Variants in DIAPH2 observed in about 807,000 individuals in gnomAD.
The protein encoded by DIAPH2 is diaphanous related formin 2, also known as protein diaphanous homolog 2.
Under a neutral mutation model 92.7 loss-of-function variants are expected in DIAPH2, and 35 were observed. The ratio of observed to expected loss-of-function variants is 0.38; its 90% CI spans 0.29 to 0.50. The LOEUF (loss-of-function observed/expected upper bound fraction) is 0.50, where lower values mean the gene tolerates loss of function less well. Ranked by LOEUF, DIAPH2 falls within the 20% of genes least tolerant of loss-of-function variation. The pLI is 0.94. For synonymous variants in DIAPH2, 301 were observed against 280.4 expected, an observed-to-expected ratio of 1.07 and a Z score of -0.73; for missense variants, 701 against 819.5, an observed-to-expected ratio of 0.86 and a Z score of 1.77.
chrX:97,016,478 A>C (rs926228898), intron 17 of DIAPH2, among the ~76,000 whole-genome samples: 2 of 112,220 alleles, frequency 1.8e-5, no homozygotes, highest in African/African-American at 6.5e-5. Context: ...GAGAGATACT[A>C]TATATTTTAG....
At chrX:97,553,517 T>C (rs2071235052) in intron 26 of DIAPH2, among the ~76,000 whole-genome samples, 1 of 111,059 alleles carries the variant, frequency 9.0e-6, no homozygotes. Context: ...CAGCAGTTGT[T>C]TAAACCTGAA....
At chrX:97,077,722 C>T (rs2066714884) in intron 19 of DIAPH2, among the ~76,000 whole-genome samples, 1 of 112,057 alleles carries the variant, frequency 8.9e-6, no homozygotes, top group African/African-American at 3.2e-5. Context: ...ATTTAATCAG[C>T]AAGATCCAGC....
intron 21 of DIAPH2, among the ~76,000 whole-genome samples, chrX:97,124,232 C>T: frequency 8.9e-6 from 1 of 112,257 alleles, no homozygotes; most frequent in East Asian, 2.8e-4. Flanking sequence ...GTTCTAAAAG[C>T]TTATGTGTCT....
chrX:97,332,783 A>C (rs1354800566), intron 23 of DIAPH2, among the ~76,000 whole-genome samples: 1 of 111,683 alleles, frequency 9.0e-6, no homozygotes, highest in Non-Finnish European at 1.9e-5. Context: ...ACTGCACAAT[A>C]TAATGAGAAA....
chrX:97,077,190 G>A (rs1322900358), intron 19 of DIAPH2, among the ~76,000 whole-genome samples: 2 of 111,451 alleles, frequency 1.8e-5, no homozygotes, highest in Non-Finnish European at 3.8e-5. Flanking sequence ...TGGTAAGGAG[G>A]ATGGATGCTC....
chrX:97,039,246 T>C (rs2066432281), intron 17 of DIAPH2, among the ~76,000 whole-genome samples: 1 of 111,921 alleles, frequency 8.9e-6, no homozygotes, highest in African/African-American at 3.2e-5. Context: ...GTTTTACTCA[T>C]TTTTGTTTTA....
At chrX:97,257,263 CTTAT>C (rs960038145) in intron 23 of DIAPH2, among the ~76,000 whole-genome samples, 10 of 111,213 alleles carry the variant, frequency 9.0e-5, no homozygotes, top group South Asian at 3.7e-4. Context: ...ATCTCAGCTA[CTTAT>C]TTAAGGCTAA....
chrX:97,496,979 T>C (rs1483726626), intron 26 of DIAPH2, among the ~76,000 whole-genome samples: 8 of 111,943 alleles, frequency 7.1e-5, no homozygotes, highest in Non-Finnish European at 1.9e-5. Context: ...GTTGTAGTTT[T>C]TTTTAGTGGT....
chrX:96,832,677 G>A (rs759362097), intron 4 of DIAPH2, among the ~76,000 whole-genome samples: 1 of 111,242 alleles, frequency 9.0e-6, no homozygotes, highest in South Asian at 3.8e-4. Context: ...TTTCTGAATA[G>A]ATATCAGTGA....
chrX:97,421,691 T>C (rs185205945), intron 25 of DIAPH2, among the ~76,000 whole-genome samples: 1 of 112,137 alleles, frequency 8.9e-6, no homozygotes, highest in East Asian at 2.8e-4. Context: ...ATATAATTGA[T>C]TTCTCTCCCA....
chrX:97,040,359 A>G (rs1457284785), intron 17 of DIAPH2, among the ~76,000 whole-genome samples: 1 of 110,325 alleles, frequency 9.1e-6, no homozygotes, highest in Non-Finnish European at 1.9e-5. Flanking sequence ...TTCCCACCTG[A>G]GCTTATAGAA....
chrX:97,465,269 TCACC>T (rs1434781529), intron 26 of DIAPH2, among the ~76,000 whole-genome samples: 3 of 102,432 alleles, frequency 2.9e-5, no homozygotes, highest in African/African-American at 1.3e-4. Flanking sequence ...GCTTTAGAAT[TCACC>T]CACACACACA....
At chrX:96,977,410 A>G (rs1248477304) in intron 17 of DIAPH2, among the ~76,000 whole-genome samples, 1 of 111,907 alleles carries the variant, frequency 8.9e-6, no homozygotes, top group African/African-American at 3.2e-5. Context: ...GGCATTTGGT[A>G]ATGATATATT....
At chrX:97,565,948 G>A (rs1602671960) in intron 26 of DIAPH2, among the ~76,000 whole-genome samples, 2 of 111,734 alleles carry the variant, frequency 1.8e-5, no homozygotes, top group Non-Finnish European at 3.8e-5. Flanking sequence ...TTTACTGCAG[G>A]GAAATCTTAA....
At position 97,247,800 on chromosome X, in the gene DIAPH2, A is replaced by C; in HGVS notation, c.2805A>C (p.Gln935His). The C allele has an allele frequency of 8.3e-7, 1 of 1,209,287 alleles. No homozygotes were observed. The highest frequency in any genetic ancestry group is 2.3e-4 in the Middle Eastern group (1 of 4,349). Reference sequence around the variant, plus strand: ...AACGTGACATCAAGAAATTCCCCCAAGCAGAAAATCAACACGATAAGTTTG... The same window carrying C: ...AACGTGACATCAAGAAATTCCCCCACGCAGAAAATCAACACGATAAGTTTG... ...HLERDIKKFP[Q>H]AENQHDKFVE... Residue 935 changes from glutamine (Q) to histidine (H), a missense_variant, in exon 23 of 27, where the codon CAA (glutamine) becomes CAC (histidine). Gln to His is a conservative substitution (Grantham distance 24). Transcript: ENST00000324765.
chrX:96,765,406 C>T (rs2064297085), intron 4 of DIAPH2, among the ~76,000 whole-genome samples: 1 of 109,931 alleles, frequency 9.1e-6, no homozygotes, highest in Admixed American at 9.8e-5. Flanking sequence ...GCCATGTTGC[C>T]CAGGCTGGTC....
At chrX:97,088,498 G>C (rs938990667) in intron 19 of DIAPH2, among the ~76,000 whole-genome samples, 1 of 112,076 alleles carries the variant, frequency 8.9e-6, no homozygotes, top group Non-Finnish European at 1.9e-5. Flanking sequence ...GCATGATACA[G>C]AGTTTTCTTT....
intron 4 of DIAPH2, among the ~76,000 whole-genome samples, chrX:96,866,012 A>G (rs1356290063): frequency 8.9e-6 from 1 of 112,301 alleles, no homozygotes; most frequent in African/African-American, 3.2e-5. Flanking sequence ...GTAGCAGACT[A>G]CTGGATTCAA....
At chrX:97,556,567 T>G (rs2071258884) in intron 26 of DIAPH2, among the ~76,000 whole-genome samples, 1 of 111,860 alleles carries the variant, frequency 8.9e-6, no homozygotes, top group South Asian at 3.7e-4. Flanking sequence ...ACCTTGGCAT[T>G]CCTTGCATTC....
Sources: gnomAD v4.1 joint callset for allele counts (sites outside exome capture counted in the v4.1 genomes callset) on GRCh38, gnomAD v4.1.1 for gene constraint, MANE v1.5 for transcripts, NCBI Gene and HGNC (gene_info 2026-07-23, HGNC 2026-07-21) for gene names.